DOCK2: variants seen among roughly 807,000 people sequenced by gnomAD.
The protein encoded by DOCK2 is dedicator of cytokinesis 2, also known as dedicator of cytokinesis protein 2.
DOCK2 carries 87 observed loss-of-function variants against 248.9 expected under a neutral mutation model. That is an observed-to-expected ratio of 0.35 (90% CI 0.29 to 0.42). The LOEUF (loss-of-function observed/expected upper bound fraction) is 0.42. Among genes scored for constraint, DOCK2 ranks in the 10% least tolerant of loss-of-function variants. The pLI is 1.00. For synonymous variants in DOCK2, 805 were observed against 821.6 expected (o/e 0.98, Z 0.35); for missense variants, 1,747 against 2,300.2 (o/e 0.76, Z 4.92).
intron 2 of DOCK2, among the ~76,000 whole-genome samples, chr5:169,658,214 A>T (rs917395238): frequency 1.3e-4 from 20 of 152,068 alleles, no homozygotes; most frequent in Non-Finnish European, 2.1e-4. Flanking sequence ...ATTAAATAAA[A>T]TTTTTATTTA....
Position 169,825,261 on chromosome 5 carries a change from C to T in DOCK2, c.2704-15496C>T, listed in dbSNP as rs575959885. Among the ~76,000 whole-genome samples, 782 of 152,210 alleles carry T rather than the reference C, an allele frequency of 5.1e-3. 7 individuals are homozygous for T. Among genetic ancestry groups the T allele is most frequent in the African/African-American group, 0.018 (755 of 41,518 alleles). Reference sequence around the variant, plus strand: ...GAAATACCATTTGACCCAGCCATCCCATTACTGGGTATATACCCAAAGGAT... The same window carrying T: ...GAAATACCATTTGACCCAGCCATCCTATTACTGGGTATATACCCAAAGGAT... On this transcript the variant is annotated intron_variant, in intron 26 of 51. Transcript: ENST00000520908.
chr5:170,024,357 C>CTTTTT (rs35718164), intron 33 of DOCK2, among the ~76,000 whole-genome samples: 13 of 100,722 alleles, frequency 1.3e-4, no homozygotes, highest in African/African-American at 3.9e-4. Context: ...TTGGGAGAGC[C>CTTTTT]TTTTTTTTTT....
At chr5:169,704,390 A>G (rs1475043426) in intron 14 of DOCK2, among the ~76,000 whole-genome samples, 2 of 152,090 alleles carry the variant, frequency 1.3e-5, no homozygotes, top group African/African-American at 4.8e-5. Context: ...GCAGGACCAG[A>G]GGGCAGAGGA....
At chr5:169,739,567 T>C (rs1321711015) in intron 22 of DOCK2, among the ~76,000 whole-genome samples, 3 of 152,228 alleles carry the variant, frequency 2.0e-5, no homozygotes, top group African/African-American at 7.2e-5. Context: ...TAATCCCCTT[T>C]TCCAAGAGGT....
intron 27 of DOCK2, among the ~76,000 whole-genome samples, chr5:169,919,104 T>A (rs1434139402): frequency 6.6e-6 from 1 of 152,198 alleles, no homozygotes; most frequent in Admixed American, 6.5e-5. Flanking sequence ...ACTATGATCT[T>A]TGATTGCTTG....
chr5:169,771,291 T>C (rs985795663), intron 25 of DOCK2, among the ~76,000 whole-genome samples: 3 of 152,252 alleles, frequency 2.0e-5, no homozygotes, highest in African/African-American at 7.2e-5. Flanking sequence ...TTTTTCTTTT[T>C]TCTTTTTGAG....
intron 8 of DOCK2, 104 bp downstream of exon 8, chr5:169,684,454 GA>G: frequency 7.0e-7 from 1 of 1,423,692 alleles, no homozygotes; most frequent in Non-Finnish European, 9.5e-7. Flanking sequence ...ACCTGGAAAA[GA>G]GACTGCACCT....
intron 2 of DOCK2, 151 bp from the exon 3 acceptor site, chr5:169,669,137 A>T (rs1758895644): frequency 1.3e-6 from 1 of 793,328 alleles, no homozygotes; most frequent in Non-Finnish European, 2.0e-6. Flanking sequence ...GATTTCAAAG[A>T]CTATGAGCTT....
chr5:169,815,928 C>G (rs1407000927), intron 26 of DOCK2, among the ~76,000 whole-genome samples: 1 of 152,148 alleles, frequency 6.6e-6, no homozygotes, highest in Non-Finnish European at 1.5e-5. Flanking sequence ...CTGCTGGGAA[C>G]CCTTGCATAA....
intron 19 of DOCK2, among the ~76,000 whole-genome samples, 164 bp from the exon 20 acceptor site, chr5:169,716,049 T>A (rs550050789): frequency 1.1e-4 from 16 of 152,370 alleles, no homozygotes; most frequent in African/African-American, 3.8e-4. Flanking sequence ...GTTGGGTTCC[T>A]CCAACTTCTG....
At position 169,684,268 on chromosome 5, in the gene DOCK2, G is replaced by C. The variant is rs771842589; in HGVS notation, c.679G>C (p.Val227Leu). 1.3e-5 allele frequency: 21 copies of C among 1,614,112 alleles called. No homozygotes were observed. The highest frequency in any genetic ancestry group is 1.8e-5 in the Non-Finnish European group (21 of 1,180,028). ...SSPTHSLYVF[V>L]RNFVCRIGED... is the part of the protein sequence containing the mutation. The stretch of plus-strand genomic sequence containing the variant: ...CCCCACCCATAGCCTCTATGTGTTT[G>C]TGAGAAACTTTGTGTGCAGAATTGG... The change falls in exon 8 of 52, where the codon GTG becomes CTG. Residue 227 changes from valine (V) to leucine (L), a missense_variant. Physicochemically the swap from Val to Leu is conservative, Grantham distance 32. Around this residue, in one of 4 missense-constraint regions of DOCK2, gnomAD observed 375 missense variants for 510.9 expected, o/e 0.73. Coordinates refer to ENST00000520908, the MANE Select transcript of DOCK2 (RefSeq NM_004946.3).
At chr5:169,681,177 G>T (rs1454588588) in intron 6 of DOCK2, among the ~76,000 whole-genome samples, 1 of 136,398 alleles carries the variant, frequency 7.3e-6, no homozygotes, top group Non-Finnish European at 1.5e-5. Flanking sequence ...AGGCTGGAGT[G>T]CAGTGGTGCA....
At chr5:169,961,906 G>C (rs1193508309) in intron 27 of DOCK2, among the ~76,000 whole-genome samples, 2 of 143,260 alleles carry the variant, frequency 1.4e-5, no homozygotes, top group Non-Finnish European at 3.0e-5. Flanking sequence ...TTGAACCCAG[G>C]AGGCGGAGGT....
chr5:169,699,279 C>G, intron 11 of DOCK2, 103 bp from the exon 12 acceptor site: 2 of 1,141,528 alleles, frequency 1.8e-6, no homozygotes, highest in Non-Finnish European at 2.5e-6. Context: ...TGCAAACTCA[C>G]TTTTCACCTG....
Position 170,007,008 on chromosome 5 carries a change from A to G in DOCK2, c.3073-1489A>G, listed in dbSNP as rs571256348. The stretch of plus-strand genomic sequence containing the variant: ...TCAAGTGTTGAGAGATGAAAGGAAG[A>G]TGTATGAGAAAGTTCCTGGCCTATA... On this transcript the variant is annotated intron_variant, in intron 30 of 51. Coordinates refer to ENST00000520908, the MANE Select transcript of DOCK2 (RefSeq NM_004946.3). Among the ~76,000 whole-genome samples the G allele has an allele frequency of 6.6e-5, 10 of 152,326 alleles. No homozygotes were observed. The South Asian group carries it at 1.9e-3, about 28-fold the overall frequency.
chr5:170,018,135 A>C (rs2113820614), intron 32 of DOCK2, among the ~76,000 whole-genome samples: 1 of 152,318 alleles, frequency 6.6e-6, no homozygotes, highest in East Asian at 1.9e-4. Flanking sequence ...AAACATATAA[A>C]GGCAGTGCAA....
intron 26 of DOCK2, among the ~76,000 whole-genome samples, chr5:169,804,473 T>A: frequency 1.4e-5 from 1 of 73,880 alleles, no homozygotes; most frequent in South Asian, 5.3e-4. Flanking sequence ...TGTGTGTGTG[T>A]GTGTGTGTGT....
At chr5:169,664,600 G>C (rs891822191) in intron 2 of DOCK2, among the ~76,000 whole-genome samples, 5 of 152,206 alleles carry the variant, frequency 3.3e-5, no homozygotes, top group African/African-American at 1.2e-4. Context: ...TTACAATCAT[G>C]GTGGAAGGTG....
chr5:170,078,685 T>A (rs542151625), intron 48 of DOCK2, among the ~76,000 whole-genome samples: 2 of 152,382 alleles, frequency 1.3e-5, no homozygotes, highest in East Asian at 3.9e-4. Flanking sequence ...TCCACATTCA[T>A]GCTTTCAACC....
Sources: allele counts gnomAD v4.1 joint callset (sites outside exome capture counted in the v4.1 genomes callset), GRCh38; gene constraint gnomAD v4.1.1; regional missense constraint gnomAD v4.1.1; transcripts MANE v1.5; gene names NCBI Gene and HGNC (gene_info 2026-07-23, HGNC 2026-07-21).